CNTNAP2: variants seen among roughly 807,000 people sequenced by gnomAD.
The protein encoded by CNTNAP2 is contactin-associated protein-like 2.
A neutral mutation model predicts 155.2 loss-of-function variants in CNTNAP2; 98 were observed. The observed-to-expected ratio is 0.63, with a 90% CI of 0.54 to 0.75. The LOEUF (loss-of-function observed/expected upper bound fraction) is 0.75, where lower values mean the gene tolerates loss of function less well. Ranked by LOEUF, CNTNAP2 falls within the 30% of genes least tolerant of loss-of-function variation. The pLI, the probability that CNTNAP2 is intolerant of heterozygous loss-of-function variation, is 0.00. For missense variants in CNTNAP2, 1,727 were observed against 1,688.1 expected (o/e 1.02, Z -0.40); for synonymous variants, 651 against 631.2 (o/e 1.03, Z -0.47).
chr7:148,077,026 G>A (rs1803500001), intron 15 of CNTNAP2, among the ~76,000 whole-genome samples: 1 of 152,104 alleles, frequency 6.6e-6, no homozygotes. Context: ...CATATATACA[G>A]GCGGGGCATG....
In CNTNAP2 at chr7:147,070,420, G is replaced by C. The variant is rs547638893; in HGVS notation, c.550+26366G>C. Among the ~76,000 whole-genome samples, 498 of 152,308 alleles carry C rather than the reference G, an allele frequency of 3.3e-3. 3 individuals are homozygous for C. The highest frequency in any genetic ancestry group is 0.01 in the African/African-American group (436 of 41,576). ...GTTAGCTCATTTTCAAGGTTCAAATGCTCTGAGAAGTGTCATCGTATTAAC... is the reference window on the plus strand; with the variant it reads ...GTTAGCTCATTTTCAAGGTTCAAATCCTCTGAGAAGTGTCATCGTATTAAC... On this transcript the variant is annotated intron_variant, in intron 4 of 23. Coordinates refer to ENST00000361727, the MANE Select transcript of CNTNAP2 (RefSeq NM_014141.6).
At chr7:146,324,452 C>G (rs1256103558) in intron 1 of CNTNAP2, among the ~76,000 whole-genome samples, 1 of 152,102 alleles carries the variant, frequency 6.6e-6, no homozygotes, top group Non-Finnish European at 1.5e-5. Flanking sequence ...GCCACTCTCA[C>G]AAAAGCTTCC....
At chr7:146,709,384 A>G (rs138716858) in intron 1 of CNTNAP2, among the ~76,000 whole-genome samples, 2 of 152,262 alleles carry the variant, frequency 1.3e-5, no homozygotes, top group African/African-American at 4.8e-5. Flanking sequence ...CGAGAAACCT[A>G]AAATGAAAGG....
At chr7:148,406,704 T>A (rs1268305557) in intron 22 of CNTNAP2, among the ~76,000 whole-genome samples, 1 of 152,252 alleles carries the variant, frequency 6.6e-6, no homozygotes, top group African/African-American at 2.4e-5. Flanking sequence ...CTGGAAAAGA[T>A]GGGCAGTAAC....
intron 18 of CNTNAP2, among the ~76,000 whole-genome samples, chr7:148,209,383 C>T (rs1795505918): frequency 6.6e-6 from 1 of 150,588 alleles, no homozygotes; most frequent in African/African-American, 2.4e-5. Flanking sequence ...ACCCTCCTGC[C>T]TTGGCCTTCC....
intron 8 of CNTNAP2, among the ~76,000 whole-genome samples, chr7:147,276,621 C>G (rs1000705779): frequency 6.6e-6 from 1 of 151,890 alleles, no homozygotes. Flanking sequence ...CTTTCTGTAT[C>G]CTGATTAGAT....
chr7:147,769,093 T>C (rs1797425855), intron 13 of CNTNAP2, among the ~76,000 whole-genome samples: 1 of 152,148 alleles, frequency 6.6e-6, no homozygotes, highest in Admixed American at 6.6e-5. Context: ...AAAATGAAAT[T>C]ATATTAGCAA....
chr7:146,174,757 C>T (rs1219917586), intron 1 of CNTNAP2, among the ~76,000 whole-genome samples: 2 of 151,974 alleles, frequency 1.3e-5, no homozygotes, highest in Non-Finnish European at 1.5e-5. Context: ...CAGGAAGAAT[C>T]GCCTTAACCT....
In CNTNAP2 at chr7:146,487,930, G is replaced by A. The variant is rs925449053; in HGVS notation, c.98-286341G>A. Among the ~76,000 whole-genome samples, 3 of 152,264 alleles carry A rather than the reference G, an allele frequency of 2.0e-5. 1 individual carries two copies. Among genetic ancestry groups the A allele is most frequent in the Middle Eastern group, 6.8e-3 (2 of 294 alleles). On this transcript the variant is annotated intron_variant, in intron 1 of 23. Coordinates refer to ENST00000361727, the MANE Select transcript of CNTNAP2 (RefSeq NM_014141.6). ...AAACCGATCTGTAAGGGACATTAAA[G>A]GTTAATAGAACTGCGGGTCAATGTT...
At chr7:146,583,887 C>T (rs1433199032) in intron 1 of CNTNAP2, among the ~76,000 whole-genome samples, 3 of 152,066 alleles carry the variant, frequency 2.0e-5, no homozygotes, top group Non-Finnish European at 4.4e-5. Context: ...TCTCCTTGTA[C>T]TAGAGCTGGT....
At chr7:146,366,154 T>G (rs1469391373) in intron 1 of CNTNAP2, among the ~76,000 whole-genome samples, 3 of 152,154 alleles carry the variant, frequency 2.0e-5, no homozygotes, top group Admixed American at 2.0e-4. Context: ...ATGGTGATTT[T>G]TGTGCATGAA....
At chr7:147,473,959 A>AT (rs1798271082) in intron 10 of CNTNAP2, among the ~76,000 whole-genome samples, 1 of 152,068 alleles carries the variant, frequency 6.6e-6, no homozygotes, top group Admixed American at 6.6e-5. Context: ...CATGCCTGTA[A>AT]TCCCAGCTAC....
intron 1 of CNTNAP2, among the ~76,000 whole-genome samples, chr7:146,700,917 A>G (rs766570072): frequency 7.9e-5 from 12 of 152,160 alleles, no homozygotes; most frequent in Non-Finnish European, 1.5e-4. Flanking sequence ...AAGAATCCCA[A>G]GGTCCTCTGA....
chr7:146,591,800 A>G (rs1180234062), intron 1 of CNTNAP2, among the ~76,000 whole-genome samples: 1 of 152,194 alleles, frequency 6.6e-6, no homozygotes, highest in African/African-American at 2.4e-5. Flanking sequence ...CTCTGGATCT[A>G]TAATTCCAGT....
intron 13 of CNTNAP2, among the ~76,000 whole-genome samples, chr7:147,883,164 C>A (rs115368988): frequency 6.6e-6 from 1 of 152,112 alleles, no homozygotes; most frequent in Non-Finnish European, 1.5e-5. Context: ...AGAAAATGGG[C>A]TCCTCTTCTC....
intron 3 of CNTNAP2, among the ~76,000 whole-genome samples, chr7:146,851,369 T>G (rs1794874575): frequency 1.3e-5 from 2 of 152,328 alleles, no homozygotes; most frequent in African/African-American, 4.8e-5. Flanking sequence ...TCTTGGTCTT[T>G]AATGCTATTG....
chr7:146,797,050 G>T (rs1017986908), intron 2 of CNTNAP2, among the ~76,000 whole-genome samples: 1 of 152,008 alleles, frequency 6.6e-6, no homozygotes, highest in South Asian at 2.1e-4. Flanking sequence ...GCAGGAGAAT[G>T]GTGTGAACCC....
chr7:146,271,633 T>A (rs1240269841), intron 1 of CNTNAP2, among the ~76,000 whole-genome samples: 1 of 151,822 alleles, frequency 6.6e-6, no homozygotes, highest in Non-Finnish European at 1.5e-5. Context: ...CAAATATTTT[T>A]AATTTTCTTC....
chr7:148,222,569 T>TGGATCATTCCATGAATCTAC (rs1795770026), intron 19 of CNTNAP2, among the ~76,000 whole-genome samples: 2 of 149,938 alleles, frequency 1.3e-5, no homozygotes, highest in African/African-American at 2.5e-5. Flanking sequence ...CATGAATCTA[T>TGGATCATTCCATGAATCTAC]GAATGGATCA....
Sources: gnomAD v4.1 joint callset for allele counts (sites outside exome capture counted in the v4.1 genomes callset) on GRCh38, gnomAD v4.1.1 for gene constraint, MANE v1.5 for transcripts, NCBI Gene and HGNC (gene_info 2026-07-23, HGNC 2026-07-21) for gene names.